Variants in SEC24B observed in about 807,000 individuals in gnomAD.
SEC24B encodes the protein protein transport protein Sec24B.
In SEC24B, 45 loss-of-function variants were observed where a neutral mutation model predicts 142.8. That is an observed-to-expected ratio of 0.32 (90% confidence interval 0.25 to 0.40). SEC24B has a LOEUF of 0.40. Among genes scored for constraint, SEC24B ranks in the 10% least tolerant of loss-of-function variants. The pLI is 1.00. For synonymous variants in SEC24B, 574 were observed against 568.2 expected (o/e 1.01, Z -0.15); for missense variants, 1,409 against 1,526.8 (o/e 0.92, Z 1.29).
chr4:109,489,076 C>T (rs774586207), intron 4 of SEC24B, among the ~76,000 whole-genome samples: 23 of 152,016 alleles, frequency 1.5e-4, no homozygotes, highest in South Asian at 2.1e-4. Flanking sequence ...CTTGATGATA[C>T]GGTAACCTTT....
At chr4:109,449,978 G>A (rs552565044) in intron 1 of SEC24B, among the ~76,000 whole-genome samples, 3 of 152,270 alleles carry the variant, frequency 2.0e-5, no homozygotes, top group Admixed American at 1.3e-4. Context: ...ACTTTGGGAG[G>A]CCGAAGCAGG....
chr4:109,530,287 A>G lies in SEC24B; in HGVS notation c.3077-2A>G. ...ATACCTTTCACTTTGGTTGCTTTTTAGCTGTGGATCGGTCCGTTTCATCAA... is the reference window on the plus strand; with the variant it reads ...ATACCTTTCACTTTGGTTGCTTTTTGGCTGTGGATCGGTCCGTTTCATCAA... On this transcript the variant is annotated splice_acceptor_variant, in intron 18 of 23. Transcript: ENST00000265175. LOFTEE classifies it high-confidence loss of function. 6.2e-7 allele frequency: 1 copy of G among 1,608,728 alleles called. No homozygotes were observed. The highest frequency in any genetic ancestry group is 8.5e-7 in the Non-Finnish European group (1 of 1,176,584).
chr4:109,478,912 C>T (rs777312326), intron 3 of SEC24B, among the ~76,000 whole-genome samples: 1 of 152,102 alleles, frequency 6.6e-6, no homozygotes, highest in Non-Finnish European at 1.5e-5. Context: ...CTTGAAAAGT[C>T]TTCTAGTGTG....
At position 109,460,624 on chromosome 4, in the gene SEC24B, A is replaced by G. The variant is rs187100789; in HGVS notation, c.134-2277A>G. Among the ~76,000 whole-genome samples, 1,356 of 151,822 alleles carry G rather than the reference A, an allele frequency of 8.9e-3. 15 individuals are homozygous for G. The highest frequency in any genetic ancestry group is 0.015 in the Non-Finnish European group (1,001 of 67,980). ...ATTCCGGCCCATTTAGTTCCTAAGCATGTAACTGTGTTAAACATCTTGACT... is the reference window on the plus strand; with the variant it reads ...ATTCCGGCCCATTTAGTTCCTAAGCGTGTAACTGTGTTAAACATCTTGACT... On this transcript the variant is annotated intron_variant, in intron 1 of 23. Coordinates refer to ENST00000265175, the MANE Select transcript of SEC24B (RefSeq NM_006323.5).
chr4:109,474,341 A>T (rs1732856800), intron 3 of SEC24B, among the ~76,000 whole-genome samples: 1 of 151,878 alleles, frequency 6.6e-6, no homozygotes, highest in South Asian at 2.1e-4. Context: ...TTTTTCCTCT[A>T]CATTGATGAC....
intron 12 of SEC24B, 116 bp downstream of exon 12, chr4:109,520,600 T>A: frequency 1.4e-6 from 1 of 724,980 alleles, no homozygotes; most frequent in South Asian, 1.5e-5. Context: ...ACTTTAGTAT[T>A]TGTTCAAAAT....
chr4:109,495,794 T>C lies in SEC24B; in HGVS notation c.1488+938T>C, dbSNP rs141035831. 4.5e-3 allele frequency among the ~76,000 whole-genome samples: 688 copies of C among 152,290 alleles called. 5 individuals carry two copies. Among genetic ancestry groups the C allele is most frequent in the African/African-American group, 0.015 (619 of 41,554 alleles). On this transcript the variant is annotated intron_variant, in intron 6 of 23. Coordinates refer to ENST00000265175, the MANE Select transcript of SEC24B (RefSeq NM_006323.5). ...CCCTAGTTCCTGCCAGCATTCACTC[T>C]TGCAGGCTCCCAGCTTGCTTGTCTG... is the stretch of plus-strand genomic sequence containing the variant.
intron 22 of SEC24B, among the ~76,000 whole-genome samples, chr4:109,538,265 A>T (rs1211247296): frequency 6.6e-6 from 1 of 152,256 alleles, no homozygotes; most frequent in African/African-American, 2.4e-5. Context: ...AAATATAGTC[A>T]GTTAAAATGT....
chr4:109,523,014 G>A, intron 14 of SEC24B, among the ~76,000 whole-genome samples: 1 of 152,142 alleles, frequency 6.6e-6, no homozygotes, highest in East Asian at 1.9e-4. Context: ...GATTGCAGAT[G>A]TGAGCCAGAC....
intron 14 of SEC24B, among the ~76,000 whole-genome samples, chr4:109,522,981 A>G (rs769803268): frequency 1.3e-5 from 2 of 151,914 alleles, no homozygotes; most frequent in Non-Finnish European, 2.9e-5. Context: ...CAATACCCCT[A>G]CCTCAGCCCT....
At chr4:109,527,229 A>AAAAG (rs1554010568) in intron 17 of SEC24B, 93 bp from the exon 18 acceptor site, 21 of 934,548 alleles carry the variant, frequency 2.2e-5, no homozygotes, top group Admixed American at 7.0e-5. Flanking sequence ...AAAAAAAAAA[A>AAAAG]AAAGAAAGAA....
At chr4:109,536,456 C>G (rs1725547987) in intron 22 of SEC24B, among the ~76,000 whole-genome samples, 1 of 152,146 alleles carries the variant, frequency 6.6e-6, no homozygotes, top group Non-Finnish European at 1.5e-5. Context: ...AAATAACTTT[C>G]AAATGGATCA....
intron 1 of SEC24B, among the ~76,000 whole-genome samples, chr4:109,446,680 C>T (rs894278787): frequency 5.9e-5 from 9 of 152,082 alleles, no homozygotes; most frequent in African/African-American, 9.7e-5. Flanking sequence ...AAGTGTAACA[C>T]GCCAAAGCAG....
intron 1 of SEC24B, among the ~76,000 whole-genome samples, chr4:109,437,962 G>T (rs1447497819): frequency 6.6e-6 from 1 of 152,156 alleles, no homozygotes; most frequent in Non-Finnish European, 1.5e-5. Context: ...AAAGGATATT[G>T]TATATAGATC....
At chr4:109,444,295 T>C (rs1729224582) in intron 1 of SEC24B, among the ~76,000 whole-genome samples, 3 of 151,730 alleles carry the variant, frequency 2.0e-5, no homozygotes, top group African/African-American at 7.3e-5. Flanking sequence ...TCCTAAGAAG[T>C]TTAGACTTCA....
intron 1 of SEC24B, among the ~76,000 whole-genome samples, chr4:109,441,864 G>A (rs181217518): frequency 3.7e-4 from 56 of 152,288 alleles, no homozygotes; most frequent in Non-Finnish European, 6.3e-4. Context: ...GTCCGCCAGC[G>A]GTGACTGGAA....
At chr4:109,532,464 A>G (rs951625105) in intron 20 of SEC24B, among the ~76,000 whole-genome samples, 175 bp from the exon 21 acceptor site, 1 of 152,206 alleles carries the variant, frequency 6.6e-6, no homozygotes, top group Non-Finnish European at 1.5e-5. Flanking sequence ...ATTTGAATAC[A>G]TTTGAGTGTG....
At chr4:109,494,443 T>C (rs1735325410) in intron 5 of SEC24B, among the ~76,000 whole-genome samples, 172 bp from the exon 6 acceptor site, 1 of 152,246 alleles carries the variant, frequency 6.6e-6, no homozygotes. Flanking sequence ...AGCTTAGTGA[T>C]AAGTATATGG....
chr4:109,446,934 A>G (rs992431117), intron 1 of SEC24B, among the ~76,000 whole-genome samples: 1 of 152,244 alleles, frequency 6.6e-6, no homozygotes, highest in Non-Finnish European at 1.5e-5. Context: ...AGAGCAAACT[A>G]GACTGAATTT....
Sources: gnomAD v4.1 joint callset for allele counts (sites outside exome capture counted in the v4.1 genomes callset) on GRCh38, gnomAD v4.1.1 for gene constraint, MANE v1.5 for transcripts, NCBI Gene and HGNC (gene_info 2026-07-23, HGNC 2026-07-21) for gene names.